Variants in MTHFD2L observed in about 807,000 individuals in gnomAD.
MTHFD2L encodes the protein bifunctional methylenetetrahydrofolate dehydrogenase/cyclohydrolase 2, mitochondrial.
Under a neutral mutation model 34.9 loss-of-function variants are expected in MTHFD2L, and 29 were observed. That is an observed-to-expected ratio of 0.83 (90% confidence interval 0.62 to 1.13). The LOEUF is 1.13. Ranked by LOEUF, MTHFD2L falls within the 50% of genes most tolerant of loss-of-function variation. MTHFD2L has a pLI of 0.00. For missense variants in MTHFD2L, 481 were observed against 446.5 expected (o/e 1.08, Z -0.70); for synonymous variants, 167 against 155.7 (o/e 1.07, Z -0.54).
chr4:74,274,910 A>T (rs561804551), intron 6 of MTHFD2L, among the ~76,000 whole-genome samples: 68 of 152,254 alleles, frequency 4.5e-4, no homozygotes, highest in African/African-American at 1.6e-3. Flanking sequence ...TGAAATATTT[A>T]TAAGATGTTA....
At chr4:74,128,050 T>G (rs1248349285) in intron 1 of MTHFD2L, among the ~76,000 whole-genome samples, 1 of 152,156 alleles carries the variant, frequency 6.6e-6, no homozygotes, top group Non-Finnish European at 1.5e-5. Flanking sequence ...ATGCCTTCAT[T>G]TGAGAAATGT....
At chr4:74,263,693 G>A (rs1744956208) in intron 6 of MTHFD2L, among the ~76,000 whole-genome samples, 1 of 151,980 alleles carries the variant, frequency 6.6e-6, no homozygotes, top group Non-Finnish European at 1.5e-5. Context: ...TTGAGACTTT[G>A]AGGAAGTTGT....
rs78959915 is a variant in MTHFD2L, at chr4:74,192,095, T to G, written c.452-7699T>G. On this transcript the variant is annotated intron_variant, in intron 3 of 7. Transcript: ENST00000325278. ...TGAAAAAGAAAAAGACAGAAATTTCTGTCCTTTTGAGTAGCAGAGGAGGCG... is the reference window on the plus strand; with the variant it reads ...TGAAAAAGAAAAAGACAGAAATTTCGGTCCTTTTGAGTAGCAGAGGAGGCG... Among the ~76,000 whole-genome samples, 1,184 of 152,250 alleles carry G rather than the reference T, an allele frequency of 7.8e-3. 15 individuals are homozygous for G. Among genetic ancestry groups the G allele is most frequent in the African/African-American group, 0.027 (1,114 of 41,534 alleles).
chr4:74,129,578 A>G (rs146483995), intron 1 of MTHFD2L, among the ~76,000 whole-genome samples: 315 of 152,304 alleles, frequency 2.1e-3, no homozygotes, highest in African/African-American at 7.1e-3. Context: ...GGACACAGCT[A>G]AAGAAGTGTT....
At chr4:74,172,946 G>T (rs763055216) in intron 1 of MTHFD2L, among the ~76,000 whole-genome samples, 36 of 152,150 alleles carry the variant, frequency 2.4e-4, no homozygotes, top group South Asian at 8.3e-4. Context: ...GTGTGTTGTC[G>T]GATATTTATA....
intron 1 of MTHFD2L, among the ~76,000 whole-genome samples, chr4:74,165,795 G>A (rs992412359): frequency 1.3e-5 from 2 of 152,136 alleles, no homozygotes; most frequent in African/African-American, 4.8e-5. Flanking sequence ...CTGCTAAATG[G>A]AACAGTCTTA....
At chr4:74,196,755 G>T (rs1375692067) in intron 3 of MTHFD2L, among the ~76,000 whole-genome samples, 1 of 152,000 alleles carries the variant, frequency 6.6e-6, no homozygotes, top group Non-Finnish European at 1.5e-5. Context: ...AGACCAGCCT[G>T]GCCAATATGG....
intron 5 of MTHFD2L, among the ~76,000 whole-genome samples, chr4:74,206,524 A>T (rs1314060129): frequency 6.6e-6 from 1 of 152,092 alleles, no homozygotes. Context: ...AAAGGGAGAG[A>T]TGTGGAGTCT....
chr4:74,233,741 C>G (rs749520058), intron 6 of MTHFD2L, among the ~76,000 whole-genome samples: 3 of 152,050 alleles, frequency 2.0e-5, no homozygotes, highest in Non-Finnish European at 2.9e-5. Flanking sequence ...GATCGATCAC[C>G]TCAGAACCAT....
chr4:74,247,485 T>A (rs1742646242), intron 6 of MTHFD2L, among the ~76,000 whole-genome samples: 1 of 152,108 alleles, frequency 6.6e-6, no homozygotes, highest in Non-Finnish European at 1.5e-5. Flanking sequence ...TTCTCCTGCC[T>A]AATTGCCCTG....
At chr4:74,162,780 A>G (rs967020863) in intron 1 of MTHFD2L, among the ~76,000 whole-genome samples, 3 of 152,186 alleles carry the variant, frequency 2.0e-5, no homozygotes, top group African/African-American at 7.2e-5. Flanking sequence ...TCAAGTTGAC[A>G]CAGTAAATAC....
At chr4:74,129,849 AAAG>A (rs1722344748) in intron 1 of MTHFD2L, among the ~76,000 whole-genome samples, 1 of 152,180 alleles carries the variant, frequency 6.6e-6, no homozygotes, top group Non-Finnish European at 1.5e-5. Context: ...CCTGACTAAT[AAAG>A]AAGAAAAGAA....
intron 7 of MTHFD2L, among the ~76,000 whole-genome samples, chr4:74,282,841 A>G (rs996876217): frequency 2.0e-5 from 3 of 152,070 alleles, no homozygotes; most frequent in Admixed American, 6.6e-5. Context: ...ATCTGTACGT[A>G]TATACATATG....
rs577425303 is a variant in MTHFD2L at position 74,281,495 on chromosome 4, T to C, written c.876T>C (p.Tyr292=). Residue 292 remains tyrosine, a synonymous_variant, in exon 7 of 8, where the codon TAT becomes TAC. Coordinates refer to ENST00000325278, the MANE Select transcript of MTHFD2L (RefSeq NM_001144978.3). ...GAAVIDVGIN[Y]VHDPVTGKTK... ...CTGTAATTGATGTGGGTATCAACTA[T>C]GTCCACGATCCAGTGACAGGAAAGA... The C allele has an allele frequency of 6.2e-7, 1 of 1,612,756 alleles. No homozygotes were observed. The highest frequency in any genetic ancestry group is 1.1e-5 in the South Asian group (1 of 91,020).
At chr4:74,287,364 T>A (rs1297585249) in intron 7 of MTHFD2L, among the ~76,000 whole-genome samples, 1 of 152,200 alleles carries the variant, frequency 6.6e-6, no homozygotes, top group East Asian at 1.9e-4. Context: ...GTGAAACTCT[T>A]AGGTTGTTTC....
intron 2 of MTHFD2L, among the ~76,000 whole-genome samples, chr4:74,118,086 G>T (rs976058602): frequency 6.6e-6 from 1 of 152,128 alleles, no homozygotes; most frequent in South Asian, 2.1e-4. Context: ...TACATAGGGT[G>T]TTGAAAAAGT....
At chr4:74,131,819 T>G (rs1722527608) in intron 1 of MTHFD2L, among the ~76,000 whole-genome samples, 1 of 152,016 alleles carries the variant, frequency 6.6e-6, no homozygotes, top group African/African-American at 2.4e-5. Context: ...AGAGAAAAAT[T>G]TTGCAATCTA....
chr4:74,256,012 A>C (rs1743980754), intron 6 of MTHFD2L, among the ~76,000 whole-genome samples: 1 of 152,242 alleles, frequency 6.6e-6, no homozygotes, highest in Admixed American at 6.5e-5. Context: ...GATAATACCC[A>C]GTAATGGGAC....
intron 1 of MTHFD2L, chr4:74,161,651 A>G (rs1014765183): frequency 5.3e-5 from 8 of 152,218 alleles, no homozygotes; most frequent in African/African-American, 1.4e-4. Flanking sequence ...CAGTACATGA[A>G]AAAGAGGGAC....
Sources: gnomAD v4.1 joint callset for allele counts (sites outside exome capture counted in the v4.1 genomes callset) on GRCh38, gnomAD v4.1.1 for gene constraint, MANE v1.5 for transcripts, NCBI Gene and HGNC (gene_info 2026-07-23, HGNC 2026-07-21) for gene names.